Variants in CSTPP1 observed in about 807,000 individuals in gnomAD.
The protein encoded by CSTPP1 is UPF0705 protein C11orf49.
At chr11:47,091,998 A>C in the CSTPP1 span, among the ~76,000 whole-genome samples, 4 of 152,226 alleles carry the variant, frequency 2.6e-5, no homozygotes, top group Non-Finnish European at 4.4e-5. Context: ...AAATTGTAGT[A>C]ATATTTTATA....
chr11:47,071,728 T>G, the CSTPP1 span, among the ~76,000 whole-genome samples: 5 of 152,206 alleles, frequency 3.3e-5, no homozygotes, highest in South Asian at 1.0e-3. Flanking sequence ...CAGATAAAGA[T>G]AGAAAATAGG....
the CSTPP1 span, among the ~76,000 whole-genome samples, chr11:47,144,427 C>T: frequency 1.2e-4 from 18 of 151,914 alleles, no homozygotes; most frequent in Admixed American, 6.6e-5. Context: ...TGACCTCAAG[C>T]GATCTGCCTA....
chr11:47,093,611 AG>A, the CSTPP1 span, among the ~76,000 whole-genome samples: 8 of 152,204 alleles, frequency 5.3e-5, no homozygotes, highest in African/African-American at 1.9e-4. Flanking sequence ...GGTCAAGAGC[AG>A]TGGTTTTTGA....
At chr11:47,150,642 A>G in the CSTPP1 span, among the ~76,000 whole-genome samples, 1 of 152,138 alleles carries the variant, frequency 6.6e-6, no homozygotes, top group African/African-American at 2.4e-5. Flanking sequence ...GATATCCGGT[A>G]GGTGAGGAGG....
chr11:46,936,752 A>G, the CSTPP1 span: 2 of 1,603,642 alleles, frequency 1.2e-6, no homozygotes, highest in South Asian at 1.1e-5. Context: ...AGAGACGGCA[A>G]CCTGGGTTCC....
At chr11:46,988,710 C>T in the CSTPP1 span, among the ~76,000 whole-genome samples, 1 of 152,056 alleles carries the variant, frequency 6.6e-6, no homozygotes, top group Non-Finnish European at 1.5e-5. Flanking sequence ...TAAAATAACT[C>T]AAAGGGTACA....
the CSTPP1 span, among the ~76,000 whole-genome samples, chr11:47,128,739 G>A: frequency 2.0e-5 from 3 of 152,000 alleles, no homozygotes; most frequent in African/African-American, 4.8e-5. Context: ...TTTTCAGGCC[G>A]GGAGCAGTGG....
At chr11:47,020,493 GT>G in the CSTPP1 span, among the ~76,000 whole-genome samples, 5 of 148,236 alleles carry the variant, frequency 3.4e-5, no homozygotes, top group Non-Finnish European at 7.5e-5. Flanking sequence ...ATCTCTTGTG[GT>G]TTTTTTTTTA....
At chr11:47,119,144 T>C in the CSTPP1 span, among the ~76,000 whole-genome samples, 3 of 152,222 alleles carry the variant, frequency 2.0e-5, no homozygotes, top group African/African-American at 7.2e-5. Flanking sequence ...TCTGTTTACC[T>C]ACTCAAGCCT....
chr11:47,141,653 G>A, the CSTPP1 span, among the ~76,000 whole-genome samples: 1 of 151,348 alleles, frequency 6.6e-6, no homozygotes, highest in Non-Finnish European at 1.5e-5. Flanking sequence ...TGTGGTCTTG[G>A]CCAGGCATAG....
chr11:47,006,616 T>C, the CSTPP1 span, among the ~76,000 whole-genome samples: 1 of 151,798 alleles, frequency 6.6e-6, no homozygotes, highest in East Asian at 1.9e-4. Context: ...GCAGGATCTC[T>C]GTCTGTCACC....
chr11:47,131,669 G>T, the CSTPP1 span, among the ~76,000 whole-genome samples: 1 of 152,088 alleles, frequency 6.6e-6, no homozygotes, highest in Non-Finnish European at 1.5e-5. Flanking sequence ...GGCTTCCTTT[G>T]GTTTTCATGG....
At chr11:46,982,469 C>G in the CSTPP1 span, among the ~76,000 whole-genome samples, 3 of 151,982 alleles carry the variant, frequency 2.0e-5, no homozygotes, top group Non-Finnish European at 2.9e-5. Flanking sequence ...AAAAAGAGTG[C>G]TCTAACTAAT....
the CSTPP1 span, chr11:47,157,343 G>C: frequency 1.8e-6 from 2 of 1,092,926 alleles, no homozygotes; most frequent in Non-Finnish European, 2.5e-6. Flanking sequence ...TGGTCATAAT[G>C]TAACAGTGCC....
the CSTPP1 span, among the ~76,000 whole-genome samples, chr11:46,980,086 A>C: frequency 6.6e-6 from 1 of 152,216 alleles, no homozygotes; most frequent in South Asian, 2.1e-4. Flanking sequence ...ACAAAAAAAC[A>C]AAAAAACCCA....
the CSTPP1 span, among the ~76,000 whole-genome samples, chr11:46,979,486 T>G: frequency 6.6e-6 from 1 of 152,342 alleles, no homozygotes; most frequent in South Asian, 2.1e-4. Flanking sequence ...CAAATATTAC[T>G]TGGGTTCTTC....
the CSTPP1 span, among the ~76,000 whole-genome samples, chr11:46,940,148 T>C: frequency 1.3e-5 from 2 of 152,202 alleles, no homozygotes; most frequent in Non-Finnish European, 2.9e-5. Flanking sequence ...CCTGGGATTA[T>C]AGGCGTGAGC....
At chr11:47,158,519 C>T in the CSTPP1 span, among the ~76,000 whole-genome samples, 2 of 152,050 alleles carry the variant, frequency 1.3e-5, no homozygotes, top group Non-Finnish European at 2.9e-5. Flanking sequence ...CTCCATTCTA[C>T]TACAGTTTAA....
chr11:47,048,247 C>T, the CSTPP1 span, among the ~76,000 whole-genome samples: 1 of 152,144 alleles, frequency 6.6e-6, no homozygotes, highest in East Asian at 1.9e-4. Flanking sequence ...GTGGAAGTAA[C>T]CCAAGGGTCC....
Sources: gnomAD v4.1 joint callset for allele counts (sites outside exome capture counted in the v4.1 genomes callset) on GRCh38, gnomAD v4.1.1 for gene constraint, MANE v1.5 for transcripts, NCBI Gene and HGNC (gene_info 2026-07-23, HGNC 2026-07-21) for gene names.